The following CIB1 variants were observed in gnomAD, a reference collection of about 807,000 sequenced individuals.
The protein encoded by CIB1 is calcium and integrin binding 1, also known as calcium and integrin-binding protein 1.
In CIB1, 19 loss-of-function variants were observed where a neutral mutation model predicts 25.0. The observed-to-expected ratio is 0.76, with a 90% CI of 0.53 to 1.12. The LOEUF (loss-of-function observed/expected upper bound fraction) is 1.12, where lower values mean the gene tolerates loss of function less well. CIB1 is among the 50% of genes most tolerant of loss of function. The pLI is 0.00. For missense variants in CIB1, 236 were observed against 242.6 expected, an observed-to-expected ratio of 0.97 and a Z score of 0.18; for synonymous variants, 104 against 98.5, an observed-to-expected ratio of 1.06 and a Z score of -0.33.
chr15:90,262,655 A>C, the CIB1 span: 1 of 1,491,406 alleles, frequency 6.7e-7, no homozygotes, highest in African/African-American at 1.4e-5. Flanking sequence ...CAGGAACCGC[A>C]ACTGGGAGAA....
the CIB1 span, chr15:90,250,836 T>C: frequency 1.9e-6 from 3 of 1,614,084 alleles, no homozygotes; most frequent in African/African-American, 4.0e-5. Flanking sequence ...ATAGCCCCAG[T>C]TGACACAGGC....
the CIB1 span, chr15:90,262,457 T>C: frequency 1.4e-6 from 2 of 1,446,874 alleles, no homozygotes; most frequent in Admixed American, 5.6e-5. Flanking sequence ...CCCAACACCA[T>C]TTCTCTACTG....
chr15:90,249,144 C>CAG, the CIB1 span, among the ~76,000 whole-genome samples: 2 of 144,428 alleles, frequency 1.4e-5, no homozygotes, highest in African/African-American at 5.3e-5. Context: ...CCAGGAGGTC[C>CAG]AGGCTGCAGT....
the CIB1 span, among the ~76,000 whole-genome samples, chr15:90,260,843 T>C: frequency 7.4e-6 from 1 of 135,886 alleles, no homozygotes; most frequent in Non-Finnish European, 1.5e-5. Flanking sequence ...AGAGCAGGAC[T>C]CTGTCTCAAA....
the CIB1 span, chr15:90,249,947 T>TTTTTTTTTTTTA: frequency 5.4e-5 from 8 of 147,664 alleles, no homozygotes; most frequent in Admixed American, 5.5e-4. Context: ...CTGTATTTTA[T>TTTTTTTTTTTTA]TTTATTTATT....
the CIB1 span, chr15:90,251,738 G>A: frequency 1.3e-6 from 1 of 785,390 alleles, no homozygotes; most frequent in African/African-American, 1.7e-5. Context: ...AGCTTCCTAG[G>A]TGTCCTCTGC....
the CIB1 span, among the ~76,000 whole-genome samples, chr15:90,246,976 CTTT>C: frequency 6.9e-6 from 1 of 144,670 alleles, no homozygotes; most frequent in Non-Finnish European, 1.5e-5. Flanking sequence ...TCTTTCTTTC[CTTT>C]TTTTTTTTTC....
chr15:90,256,609 C>CT, the CIB1 span, among the ~76,000 whole-genome samples: 4 of 40,502 alleles, frequency 9.9e-5, no homozygotes, highest in African/African-American at 5.1e-4. Flanking sequence ...TTCTTTCTTT[C>CT]CTTCCTTCCT....
chr15:90,241,242 A>G, the CIB1 span: 2 of 1,614,142 alleles, frequency 1.2e-6, no homozygotes, highest in Admixed American at 1.7e-5. Flanking sequence ...CCCGCAGACC[A>G]TCAAGAGTGT....
the CIB1 span, chr15:90,262,425 AT>A: frequency 3.5e-6 from 5 of 1,413,388 alleles, no homozygotes; most frequent in Admixed American, 2.9e-5. Flanking sequence ...CCTCATCCCC[AT>A]TTTTCCTCAC....
the CIB1 span, chr15:90,265,699 T>A: frequency 2.5e-6 from 4 of 1,613,064 alleles, no homozygotes; most frequent in Admixed American, 5.0e-5. Flanking sequence ...TGCTGAAGGC[T>A]GGTTTGCGTC....
the CIB1 span, chr15:90,265,320 G>A: frequency 8.3e-7 from 1 of 1,206,416 alleles, no homozygotes; most frequent in Non-Finnish European, 1.0e-6. Context: ...CAGAGAAGCC[G>A]AGTGCCCAAG....
the CIB1 span, chr15:90,241,412 G>C: frequency 6.2e-7 from 1 of 1,613,644 alleles, no homozygotes; most frequent in South Asian, 1.1e-5. Context: ...GCCACGTGCT[G>C]CTGGTGCCTG....
the CIB1 span, chr15:90,259,149 G>T: frequency 1.6e-4 from 166 of 1,035,606 alleles, 3 homozygotes; most frequent in East Asian, 6.0e-3. Flanking sequence ...GATTGCTTGA[G>T]CCCTAGAGTT....
chr15:90,265,359 C>A, the CIB1 span: 1 of 1,227,710 alleles, frequency 8.1e-7, no homozygotes, highest in Non-Finnish European at 1.0e-6. Context: ...CAGAAGACTG[C>A]CGAGCGGAAG....
upstream of CIB1, among the ~76,000 whole-genome samples, chr15:90,235,732 T>G (rs1962621483): frequency 6.6e-6 from 1 of 151,908 alleles, no homozygotes; most frequent in Admixed American, 6.6e-5. Context: ...CACACCCGGC[T>G]AATTTTTTTG....
chr15:90,260,915 A>T, the CIB1 span, among the ~76,000 whole-genome samples: 8 of 151,580 alleles, frequency 5.3e-5, no homozygotes, highest in African/African-American at 1.7e-4. Context: ...GCATGCACGC[A>T]CAAGCTAGTG....
the CIB1 span, chr15:90,242,039 G>A: frequency 1.2e-6 from 2 of 1,609,302 alleles, no homozygotes; most frequent in Admixed American, 3.4e-5. Flanking sequence ...CAGCACTGGT[G>A]GCCCTGATGT....
the CIB1 span, chr15:90,263,659 T>G: frequency 1.7e-6 from 1 of 605,048 alleles, no homozygotes; most frequent in Admixed American, 2.9e-5. Context: ...CTAGAAGAGA[T>G]TTTTTTCAGT....
Sources: gnomAD v4.1 joint callset for allele counts (sites outside exome capture counted in the v4.1 genomes callset) on GRCh38, gnomAD v4.1.1 for gene constraint, MANE v1.5 for transcripts, NCBI Gene and HGNC (gene_info 2026-07-23, HGNC 2026-07-21) for gene names.